PCDHA2: variants seen among roughly 807,000 people sequenced by gnomAD.
PCDHA2 encodes the protein protocadherin alpha-2.
Under a neutral mutation model 66.0 loss-of-function variants are expected in PCDHA2, and 58 were observed. That is an observed-to-expected ratio of 0.88 (90% CI 0.71 to 1.09). PCDHA2 has a LOEUF of 1.09. Ranked by LOEUF, PCDHA2 falls within the 50% of genes least tolerant of loss-of-function variation. The probability of loss-of-function intolerance (pLI) is 0.00; values close to 1 mark genes in which losing one functional copy is unlikely to be tolerated. For missense variants in PCDHA2, 1,267 were observed against 1,242.3 expected, an observed-to-expected ratio of 1.02 and a Z score of -0.30; for synonymous variants, 634 against 554.0, an observed-to-expected ratio of 1.14 and a Z score of -2.03.
chr5:140,983,207 T>A (rs999147697), intron 3 of PCDHA2, among the ~76,000 whole-genome samples: 1 of 152,236 alleles, frequency 6.6e-6, no homozygotes, highest in Non-Finnish European at 1.5e-5. Flanking sequence ...TAATAGGGAC[T>A]ATTTCCTAAT....
chr5:140,929,257 C>T, intron 1 of PCDHA2: 2 of 1,612,972 alleles, frequency 1.2e-6, no homozygotes, highest in Non-Finnish European at 1.7e-6. Context: ...TGGGGTAGGA[C>T]TGAATTTGCC....
Position 140,967,580 on chromosome 5 carries a change from C to T in PCDHA2, c.2389-11369C>T, listed in dbSNP as rs201304400. 42 of 1,614,122 alleles carry T rather than the reference C, an allele frequency of 2.6e-5. No homozygotes were observed. The East Asian group carries it at 4.7e-4, about 18-fold the overall frequency. ...CGTCCAGCTACGGGAGGACTCACCC[C>T]CAGGCACATTGGTGGTGAAGCTGAA... On this transcript the variant is annotated intron_variant, in intron 1 of 3. Transcript: ENST00000526136.
At chr5:140,929,231 T>G in intron 1 of PCDHA2, 2 of 1,613,886 alleles carry the variant, frequency 1.2e-6, no homozygotes, top group Non-Finnish European at 1.7e-6. Context: ...GCTGCCGACC[T>G]GCGAAATCTT....
In PCDHA2 at chr5:140,796,680, C is replaced by G; in HGVS notation, c.1716C>G (p.Thr572=). The G allele has an allele frequency of 6.2e-7, 1 of 1,613,860 alleles. No homozygotes were observed. The highest frequency in any genetic ancestry group is 8.5e-7 in the Non-Finnish European group (1 of 1,179,874). The change falls in exon 1 of 4, where the codon ACC becomes ACG. Residue 572 remains threonine, a synonymous_variant. Transcript: ENST00000526136. The stretch of plus-strand genomic sequence containing the variant: ...CACTGTTGGCGCCTAGGGCTGGCAC[C>G]GCTGCTGGCGCAGTGAGTGAGCTGG... The part of the protein sequence containing the change: ...APALLAPRAG[T]AAGAVSELVP...
intron 1 of PCDHA2, chr5:140,827,876 G>A (rs902011633): frequency 7.7e-6 from 5 of 646,162 alleles, no homozygotes; most frequent in Admixed American, 2.9e-5. Context: ...GCACTGTTAC[G>A]TGAATTGATT....
chr5:140,968,029 G>C (rs1554230214), intron 1 of PCDHA2: 4 of 1,614,170 alleles, frequency 2.5e-6, no homozygotes, highest in South Asian at 2.2e-5. Context: ...CCTATACACT[G>C]GTGGTGAGCG....
intron 1 of PCDHA2, chr5:140,856,868 A>C: frequency 6.3e-7 from 1 of 1,595,926 alleles, no homozygotes; most frequent in Non-Finnish European, 8.6e-7. Flanking sequence ...AGGAATAAAC[A>C]AGGAAATGAT....
chr5:141,006,067 A>G (rs1202024176), intron 3 of PCDHA2, among the ~76,000 whole-genome samples: 4 of 151,950 alleles, frequency 2.6e-5, no homozygotes, highest in Admixed American at 6.6e-5. Flanking sequence ...AGAAATAAAA[A>G]TCAGATTATT....
chr5:140,884,535 C>T (rs142468733), intron 1 of PCDHA2: 2 of 1,613,918 alleles, frequency 1.2e-6, no homozygotes, highest in African/African-American at 1.3e-5. Flanking sequence ...CAGAGGCGGC[C>T]GAGGGTGTGC....
At chr5:140,875,925 T>C in intron 1 of PCDHA2, 2 of 1,614,142 alleles carry the variant, frequency 1.2e-6, no homozygotes. Context: ...TGGACTCTCA[T>C]TTTCCTCTAG....
At chr5:140,969,170 G>A in intron 1 of PCDHA2, 1 of 1,614,114 alleles carries the variant, frequency 6.2e-7, no homozygotes. Flanking sequence ...AGCAGGCTCA[G>A]GGAGTGACAC....
chr5:140,842,001 A>G (rs1475257095), intron 1 of PCDHA2: 1 of 1,613,730 alleles, frequency 6.2e-7, no homozygotes, highest in African/African-American at 1.3e-5. Context: ...GGCACTGTTC[A>G]GCTGCTGGTC....
At chr5:140,886,638 C>T (rs1282922977) in intron 1 of PCDHA2, among the ~76,000 whole-genome samples, 4 of 151,738 alleles carry the variant, frequency 2.6e-5, no homozygotes, top group South Asian at 2.1e-4. Flanking sequence ...CCAGCCTGGC[C>T]AACATGGTGA....
intron 1 of PCDHA2, chr5:140,827,867 C>T (rs1298214398): frequency 1.1e-5 from 7 of 615,614 alleles, no homozygotes; most frequent in Non-Finnish European, 1.7e-5. Context: ...TATGGTATAG[C>T]ACTGTTACGT....
intron 1 of PCDHA2, chr5:140,843,313 G>C (rs1554139942): frequency 8.8e-6 from 14 of 1,596,074 alleles, no homozygotes; most frequent in Non-Finnish European, 1.1e-5. Flanking sequence ...CCACGGCCAC[G>C]GTTCTGGTGT....
chr5:140,861,565 T>C (rs1191527978), intron 1 of PCDHA2: 2 of 376,886 alleles, frequency 5.3e-6, no homozygotes, highest in South Asian at 4.9e-5. Flanking sequence ...GTGGACAAGC[T>C]GCTACAGGTT....
rs2150111777 is a variant in PCDHA2, at chr5:140,821,900, C to A, written c.2388+24548C>A. On this transcript the variant is annotated intron_variant, in intron 1 of 3. Coordinates refer to ENST00000526136, the MANE Select transcript of PCDHA2 (RefSeq NM_018905.3). ...ATCCCGGAGGAAGCCAAACACGGAA[C>A]CTTCGTTGGCCGCATCGCGCAGGAC... is the stretch of plus-strand genomic sequence containing the variant. 24 of 1,614,088 alleles carry A rather than the reference C, an allele frequency of 1.5e-5. No individual in the cohort carries two copies. The East Asian group carries it at 2.4e-4, about 16-fold the overall frequency.
intron 1 of PCDHA2, among the ~76,000 whole-genome samples, chr5:140,909,495 G>A (rs532080413): frequency 7.2e-5 from 11 of 152,278 alleles, no homozygotes; most frequent in African/African-American, 2.6e-4. Context: ...AGCTGAACGG[G>A]GATGTGGTGG....
chr5:140,830,725 T>C (rs1319417645), intron 1 of PCDHA2: 15 of 221,188 alleles, frequency 6.8e-5, no homozygotes, highest in African/African-American at 2.7e-4. Flanking sequence ...AACCAAAATA[T>C]TCTTGGATAT....
Sources: gnomAD v4.1 joint callset for allele counts (sites outside exome capture counted in the v4.1 genomes callset) on GRCh38, gnomAD v4.1.1 for gene constraint, MANE v1.5 for transcripts, NCBI Gene and HGNC (gene_info 2026-07-23, HGNC 2026-07-21) for gene names.